The following TINAG variants were observed in gnomAD, a reference collection of about 807,000 sequenced individuals.
The protein encoded by TINAG is tubulointerstitial nephritis antigen.
A neutral mutation model predicts 72.7 loss-of-function variants in TINAG; 83 were observed. That is an observed-to-expected ratio of 1.14 (90% CI 0.96 to 1.37). The LOEUF is 1.37. Among genes scored for constraint, TINAG ranks in the 40% most tolerant of loss-of-function variants. The pLI is 0.00. For missense variants in TINAG, 685 were observed against 576.6 expected (o/e 1.19, Z -1.93); for synonymous variants, 234 against 189.9 (o/e 1.23, Z -1.91).
intron 5 of TINAG, among the ~76,000 whole-genome samples, chr6:54,343,606 A>T (rs1374032653): frequency 6.6e-6 from 1 of 151,828 alleles, no homozygotes; most frequent in Non-Finnish European, 1.5e-5. Flanking sequence ...AAATTTACTA[A>T]AATGTGTTTG....
chr6:54,371,748 A>G (rs1012772234), intron 9 of TINAG, among the ~76,000 whole-genome samples: 10 of 152,032 alleles, frequency 6.6e-5, no homozygotes, highest in African/African-American at 2.2e-4. Flanking sequence ...CATAAGTGGT[A>G]GGAATTTGGT....
intron 8 of TINAG, among the ~76,000 whole-genome samples, chr6:54,353,991 C>T (rs1002991072): frequency 2.6e-5 from 4 of 151,862 alleles, no homozygotes; most frequent in Admixed American, 1.3e-4. Flanking sequence ...TTGCTTATCT[C>T]TCCAGAGCTG....
intron 9 of TINAG, among the ~76,000 whole-genome samples, chr6:54,378,617 A>G (rs559067464): frequency 3.3e-5 from 5 of 152,312 alleles, no homozygotes; most frequent in African/African-American, 1.2e-4. Flanking sequence ...CGTATTTCTT[A>G]AAAGTTTCCA....
chr6:54,320,200 A>G (rs920725255), intron 1 of TINAG, among the ~76,000 whole-genome samples: 1 of 152,136 alleles, frequency 6.6e-6, no homozygotes, highest in African/African-American at 2.4e-5. Flanking sequence ...ATAAGCACTT[A>G]TGAGACTTGA....
At chr6:54,314,359 T>C (rs1290821042) in intron 1 of TINAG, among the ~76,000 whole-genome samples, 2 of 152,140 alleles carry the variant, frequency 1.3e-5, no homozygotes, top group African/African-American at 2.4e-5. Flanking sequence ...TTGAGTCCCA[T>C]TTAAAATAAA....
intron 8 of TINAG, among the ~76,000 whole-genome samples, chr6:54,353,838 T>G (rs1161208971): frequency 6.6e-6 from 1 of 151,788 alleles, no homozygotes; most frequent in African/African-American, 2.4e-5. Context: ...TCATATCTTC[T>G]ATAAGAGAAG....
chr6:54,338,517 C>G (rs1250282570), intron 4 of TINAG, among the ~76,000 whole-genome samples: 1 of 151,848 alleles, frequency 6.6e-6, no homozygotes, highest in Non-Finnish European at 1.5e-5. Context: ...GTCAGGAGAT[C>G]AAGACCATCC....
chr6:54,349,534 G>A (rs1310197798), intron 6 of TINAG, among the ~76,000 whole-genome samples, 182 bp from the exon 7 acceptor site: 2 of 151,928 alleles, frequency 1.3e-5, no homozygotes, highest in Non-Finnish European at 1.5e-5. Flanking sequence ...AAAATAAGAG[G>A]AGGGTAGGGA....
chr6:54,308,431 C>T (rs2150924250), upstream of TINAG: 8 of 769,700 alleles, frequency 1.0e-5, no homozygotes, highest in South Asian at 1.3e-4. Context: ...AGTAAAGGAT[C>T]AGTTTCAGGG....
At chr6:54,377,799 A>T (rs1189946046) in intron 9 of TINAG, among the ~76,000 whole-genome samples, 1 of 152,148 alleles carries the variant, frequency 6.6e-6, no homozygotes, top group Non-Finnish European at 1.5e-5. Context: ...TTAGGAACAT[A>T]CATATATTAG....
Position 54,342,965 on chromosome 6 carries a change from A to G in TINAG, c.625-261A>G, listed in dbSNP as rs1279261487. On this transcript the variant is annotated intron_variant, in intron 4 of 10. Transcript: ENST00000259782. ...CAAGGTGATAGAAACATTGGCTGAT[A>G]TTATTGCACTGTGCAGTAACCCAGT... 2.6e-5 allele frequency among the ~76,000 whole-genome samples: 4 copies of G among 152,144 alleles called. 1 individual carries two copies. The highest frequency in any genetic ancestry group is 4.1e-4 in the South Asian group (2 of 4,828).
chr6:54,355,837 GAAAC>G (rs1437089062), intron 9 of TINAG, among the ~76,000 whole-genome samples: 4 of 150,122 alleles, frequency 2.7e-5, no homozygotes, highest in Admixed American at 6.7e-5. Flanking sequence ...TAACTATTGA[GAAAC>G]AAAGAAAGAA....
chr6:54,382,239 G>T (rs1043878353), intron 10 of TINAG, among the ~76,000 whole-genome samples: 1 of 152,034 alleles, frequency 6.6e-6, no homozygotes, highest in East Asian at 1.9e-4. Flanking sequence ...AGAAATACAA[G>T]AATCAGACTA....
Position 54,389,791 on chromosome 6 carries a change from A to G in TINAG, c.1297A>G (p.Ile433Val). The G allele has an allele frequency of 6.3e-7, 1 of 1,575,258 alleles. No homozygotes were observed. The highest frequency in any genetic ancestry group is 8.6e-7 in the Non-Finnish European group (1 of 1,166,282). The change falls in exon 11 of 11, where the codon ATT (isoleucine) becomes GTT (valine). Residue 433 changes from isoleucine to valine, a missense_variant and splice_region_variant. Physicochemically the swap from Ile to Val is conservative, Grantham distance 29. Transcript: ENST00000259782. The part of the protein sequence containing the change: ...GAQGQKEKFW[I>V]AANSWGKSWG... ...TTTTTGTTTGTTTGTTTTTCTGCAG[A>G]TTGCTGCCAATTCCTGGGGAAAGTC... is the stretch of plus-strand genomic sequence containing the variant.
rs759133862 is a variant in TINAG, at chr6:54,389,961, G to T, written c.*36G>T. The T allele has an allele frequency of 5.6e-6, 9 of 1,593,712 alleles. No homozygotes were observed. Among genetic ancestry groups the T allele is most frequent in the Non-Finnish European group, 6.8e-6 (8 of 1,174,032 alleles). On this transcript the variant is annotated 3_prime_UTR_variant, in exon 11 of 11. Transcript: ENST00000259782. ...AATTTCCATAAGGTCATGCCTTTAA[G>T]TAACCCCCTAAATTGAAGTTTAGCA...
chr6:54,342,116 TAAAC>T (rs1279759684), intron 4 of TINAG, among the ~76,000 whole-genome samples: 3 of 152,150 alleles, frequency 2.0e-5, no homozygotes, highest in South Asian at 2.1e-4. Flanking sequence ...GAAAAACTAA[TAAAC>T]AAATCGTTAT....
chr6:54,334,183 T>C (rs1034769277), intron 4 of TINAG, among the ~76,000 whole-genome samples: 1 of 152,216 alleles, frequency 6.6e-6, no homozygotes, highest in African/African-American at 2.4e-5. Flanking sequence ...GAGATATTGA[T>C]TGTATTCAAG....
At chr6:54,378,573 T>C (rs1763853463) in intron 9 of TINAG, among the ~76,000 whole-genome samples, 2 of 152,330 alleles carry the variant, frequency 1.3e-5, no homozygotes, top group Middle Eastern at 3.4e-3. Context: ...TAATGAAAAC[T>C]GATAGCAGTT....
intron 9 of TINAG, chr6:54,370,027 A>T (rs1763557005): frequency 6.6e-6 from 1 of 152,020 alleles, no homozygotes; most frequent in Non-Finnish European, 1.5e-5. Flanking sequence ...GACCTAGAGG[A>T]AAGAGAGTTC....
Sources: allele counts gnomAD v4.1 joint callset (sites outside exome capture counted in the v4.1 genomes callset), GRCh38; gene constraint gnomAD v4.1.1; transcripts MANE v1.5; gene names NCBI Gene and HGNC (gene_info 2026-07-23, HGNC 2026-07-21).